Variants in OXR1 observed in about 807,000 individuals in gnomAD.
OXR1 encodes the protein oxidation resistance protein 1.
OXR1 carries 41 observed loss-of-function variants against 104.6 expected under a neutral mutation model. The observed-to-expected ratio is 0.39, with a 90% CI of 0.31 to 0.51. OXR1 has a LOEUF of 0.51. OXR1 is among the 20% of genes least tolerant of loss of function. The pLI is 0.77. For synonymous variants in OXR1, 348 were observed against 348.4 expected (o/e 1.00, Z 0.01); for missense variants, 955 against 1,031.9 (o/e 0.93, Z 1.02).
intron 3 of OXR1, among the ~76,000 whole-genome samples, chr8:106,674,098 A>G (rs187341354): frequency 1.3e-5 from 2 of 152,294 alleles, no homozygotes; most frequent in African/African-American, 4.8e-5. Flanking sequence ...AGACCTCAGA[A>G]TGGTAAATCC....
chr8:106,555,923 T>C lies in OXR1; in HGVS notation c.220+36784T>C, dbSNP rs578108833. ...GTATATGTGTGTAGGCATACGTATA[T>C]ATATGTACATATATATATATATATA... On this transcript the variant is annotated intron_variant, in intron 3 of 16. Coordinates refer to ENST00000517566, the MANE Select transcript of OXR1 (RefSeq NM_001198533.2). Among the ~76,000 whole-genome samples, 273 of 29,116 alleles carry C rather than the reference T, an allele frequency of 9.4e-3. 2 individuals carry two copies. Among genetic ancestry groups the C allele is most frequent in the African/African-American group, 0.028 (262 of 9,228 alleles). The allele number at this position is 29,116 out of a possible 152,430, so 19.1% of individuals were successfully genotyped here.
Position 106,457,349 on chromosome 8 carries a change from T to C in OXR1, c.24-61594T>C, listed in dbSNP as rs116846257. Among the ~76,000 whole-genome samples, 1,309 of 152,258 alleles carry C rather than the reference T, an allele frequency of 8.6e-3. 3 individuals carry two copies. Among genetic ancestry groups the C allele is most frequent in the Non-Finnish European group, 0.014 (944 of 68,030 alleles). ...GATGCAGCAGGAAGGTCCTCACAAGTTGCTGGCACCTTGATATTGGACTTT... is the reference window on the plus strand; with the variant it reads ...GATGCAGCAGGAAGGTCCTCACAAGCTGCTGGCACCTTGATATTGGACTTT... On this transcript the variant is annotated intron_variant, in intron 2 of 16. Coordinates refer to ENST00000517566, the MANE Select transcript of OXR1 (RefSeq NM_001198533.2).
chr8:106,384,100 A>G (rs1457650141), intron 2 of OXR1, among the ~76,000 whole-genome samples: 1 of 152,246 alleles, frequency 6.6e-6, no homozygotes, highest in Non-Finnish European at 1.5e-5. Context: ...ACTACTTTAC[A>G]GAGAAGACTG....
chr8:106,702,762 A>C, intron 7 of OXR1, 144 bp from the exon 8 acceptor site: 2 of 573,642 alleles, frequency 3.5e-6, no homozygotes, highest in Non-Finnish European at 5.8e-6. Context: ...TTTTAATAAA[A>C]ATGGTTTCAT....
chr8:106,475,253 C>T (rs1180244392), intron 2 of OXR1, among the ~76,000 whole-genome samples: 1 of 151,800 alleles, frequency 6.6e-6, no homozygotes, highest in African/African-American at 2.4e-5. Context: ...ATATTTTGTA[C>T]ATTATATGTA....
At chr8:106,577,715 C>T (rs1817956803) in intron 3 of OXR1, among the ~76,000 whole-genome samples, 2 of 152,084 alleles carry the variant, frequency 1.3e-5, no homozygotes, top group African/African-American at 4.8e-5. Flanking sequence ...TGTTCAGCCT[C>T]AGGATGCTGG....
At chr8:106,666,913 A>G (rs1826394628) in intron 3 of OXR1, among the ~76,000 whole-genome samples, 2 of 152,350 alleles carry the variant, frequency 1.3e-5, no homozygotes, top group East Asian at 3.9e-4. Flanking sequence ...TGGCTATGCA[A>G]ATAATCTTTG....
chr8:106,565,527 A>AATATC (rs2130523456), intron 3 of OXR1, among the ~76,000 whole-genome samples: 1 of 152,314 alleles, frequency 6.6e-6, no homozygotes, highest in East Asian at 1.9e-4. Flanking sequence ...AGGAAGAATA[A>AATATC]ATATCATGAA....
intron 3 of OXR1, among the ~76,000 whole-genome samples, chr8:106,530,792 G>A (rs889541485): frequency 6.6e-6 from 1 of 151,884 alleles, no homozygotes; most frequent in Non-Finnish European, 1.5e-5. Flanking sequence ...GTGATCATCT[G>A]AACAAACTGA....
intron 7 of OXR1, chr8:106,698,132 A>G: frequency 1.6e-6 from 1 of 636,068 alleles, no homozygotes; most frequent in South Asian, 2.0e-5. Flanking sequence ...CTACCCAGAT[A>G]TCCTCTTCAT....
chr8:106,590,058 A>G (rs1818956360), intron 3 of OXR1, among the ~76,000 whole-genome samples: 1 of 152,198 alleles, frequency 6.6e-6, no homozygotes, highest in East Asian at 1.9e-4. Flanking sequence ...AAAATTCCCA[A>G]AACGACAAAA....
intron 2 of OXR1, among the ~76,000 whole-genome samples, chr8:106,396,293 A>G (rs1817779122): frequency 6.6e-6 from 1 of 151,996 alleles, no homozygotes; most frequent in African/African-American, 2.4e-5. Flanking sequence ...TTTACAGTAG[A>G]GAAACCTGAC....
intron 6 of OXR1, among the ~76,000 whole-genome samples, chr8:106,689,480 A>G (rs542449290): frequency 6.6e-6 from 1 of 152,160 alleles, no homozygotes; most frequent in Non-Finnish European, 1.5e-5. Context: ...TAACATTATC[A>G]TTTTGGGGGA....
At chr8:106,288,572 G>GTGTATA in intron 1 of OXR1, among the ~76,000 whole-genome samples, 1 of 141,736 alleles carries the variant, frequency 7.1e-6, no homozygotes, top group South Asian at 2.1e-4. Flanking sequence ...TATATATGGT[G>GTGTATA]TGTATATGTA....
intron 6 of OXR1, among the ~76,000 whole-genome samples, chr8:106,687,241 C>G (rs1828826789): frequency 6.6e-6 from 1 of 152,146 alleles, no homozygotes; most frequent in South Asian, 2.1e-4. Context: ...TCCAGAGTGA[C>G]CACATTCTTC....
intron 2 of OXR1, among the ~76,000 whole-genome samples, chr8:106,380,987 G>A (rs901482882): frequency 2.6e-5 from 4 of 152,044 alleles, no homozygotes; most frequent in African/African-American, 7.2e-5. Context: ...TGAAACACAG[G>A]GTAGCAGTGG....
At chr8:106,344,914 A>C (rs1445401448) in intron 1 of OXR1, among the ~76,000 whole-genome samples, 1 of 152,168 alleles carries the variant, frequency 6.6e-6, no homozygotes, top group Non-Finnish European at 1.5e-5. Context: ...TGCATCTGAC[A>C]CATCATCTCT....
intron 3 of OXR1, among the ~76,000 whole-genome samples, chr8:106,677,846 G>A (rs1461713306): frequency 1.3e-5 from 2 of 151,936 alleles, no homozygotes; most frequent in Admixed American, 6.6e-5. Flanking sequence ...TTTCTTTATG[G>A]AAAATTAATG....
intron 2 of OXR1, among the ~76,000 whole-genome samples, chr8:106,444,199 A>G: frequency 6.6e-6 from 1 of 152,152 alleles, no homozygotes; most frequent in East Asian, 1.9e-4. Flanking sequence ...ATAGATTCTA[A>G]TGAGGCTGTG....
Sources: allele counts gnomAD v4.1 joint callset (sites outside exome capture counted in the v4.1 genomes callset), GRCh38; gene constraint gnomAD v4.1.1; transcripts MANE v1.5; gene names NCBI Gene and HGNC (gene_info 2026-07-23, HGNC 2026-07-21).